Variants in TP53I11 observed in about 807,000 individuals in gnomAD.
TP53I11 encodes tumor protein p53 inducible protein 11.
TP53I11 carries 9 observed loss-of-function variants against 23.3 expected under a neutral mutation model. That is an observed-to-expected ratio of 0.39 (90% CI 0.23 to 0.67). The LOEUF (loss-of-function observed/expected upper bound fraction) is 0.67, where lower values mean the gene tolerates loss of function less well. Ranked by LOEUF, TP53I11 falls within the 30% of genes least tolerant of loss-of-function variation. The probability of loss-of-function intolerance (pLI) is 0.48; values close to 1 mark genes in which losing one functional copy is unlikely to be tolerated. For missense variants in TP53I11, 170 were observed against 255.2 expected (o/e 0.67, Z 2.27); for synonymous variants, 100 against 106.1 (o/e 0.94, Z 0.35).
chr11:44,941,978 A>G (rs1252291674), intron 1 of TP53I11, among the ~76,000 whole-genome samples: 3 of 13,774 alleles, frequency 2.2e-4, no homozygotes, highest in African/African-American at 7.7e-4. Context: ...CACACAGTAC[A>G]CACACACACA....
chr11:44,937,602 G>A lies in TP53I11; in HGVS notation c.141C>T (p.Val47=), dbSNP rs747734777. The stretch of plus-strand genomic sequence containing the variant: ...TGGTAAACTTGATTTCATTGCCTAA[G>A]ACCTGGCTGATCTGTGGACAGAGGG... ...GEVHRSKISQ[V]LGNEIKFTIR... is the part of the protein sequence containing the mutation. Residue 47 remains valine (V), a synonymous_variant, in exon 3 of 7, where the codon GTC becomes GTT. Transcript: ENST00000525680. The A allele has an allele frequency of 1.2e-6, 2 of 1,613,508 alleles. No individual in the cohort carries two copies. The highest frequency in any genetic ancestry group is 1.3e-5 in the African/African-American group (1 of 75,004).
At chr11:44,943,115 TC>T (rs2135485233) in intron 1 of TP53I11, 2 of 152,292 alleles carry the variant, frequency 1.3e-5, no homozygotes, top group African/African-American at 4.8e-5. Context: ...AGCCTCAGTT[TC>T]CCCTCTTGTG....
chr11:44,947,779 C>T (rs1463852733), intron 1 of TP53I11, among the ~76,000 whole-genome samples: 1 of 152,178 alleles, frequency 6.6e-6, no homozygotes, highest in Non-Finnish European at 1.5e-5. Context: ...CTCCCTGGGC[C>T]TCAGTTTCCT....
In TP53I11 at chr11:44,937,335, G is replaced by C; in HGVS notation, c.206C>G (p.Ser69Cys). The change falls in exon 4 of 7, where the codon TCT becomes TGT. Residue 69 changes from serine to cysteine, a missense_variant. Ser to Cys is a moderately radical substitution (Grantham distance 112). Coordinates refer to ENST00000525680, the MANE Select transcript of TP53I11 (RefSeq NM_006034.5). Reference sequence around the variant, plus strand: ...GGCAATGCCGGAGAAGAGCACAGCAGAGACGAACTGCCAGACCCTGGGAGG... The same window carrying C: ...GGCAATGCCGGAGAAGAGCACAGCACAGACGAACTGCCAGACCCTGGGAGG... ...PLGLRVWQFV[S>C]AVLFSGIAIM... 6.7e-7 allele frequency: 1 copy of C among 1,487,916 alleles called. No individual in the cohort carries two copies. The highest frequency in any genetic ancestry group is 8.9e-7 in the Non-Finnish European group (1 of 1,118,350). The allele number at this position is 1,487,916 out of a possible 1,614,324, so 92.2% of individuals were successfully genotyped here.
intron 1 of TP53I11, chr11:44,946,952 GC>G (rs1481209488): frequency 2.2e-6 from 1 of 451,028 alleles, no homozygotes; most frequent in African/African-American, 2.0e-5. Flanking sequence ...TTTTGAAGGG[GC>G]CCAATTTCCA....
At position 44,937,542 on chromosome 11, in the gene TP53I11, G is replaced by A; in HGVS notation, c.188+13C>T. On this transcript the variant is annotated intron_variant, in intron 3 of 6. Transcript: ENST00000525680. ...GGCCTTCCCCTCCCCCAAAAAGTCA[G>A]GTAAATGCTCACCTGAGCCCCAAAG... The A allele has an allele frequency of 1.2e-6, 2 of 1,613,534 alleles. No individual in the cohort carries two copies. Among genetic ancestry groups the A allele is most frequent in the Non-Finnish European group, 1.7e-6 (2 of 1,179,726 alleles).
chr11:44,941,654 T>C (rs117649565), intron 1 of TP53I11, among the ~76,000 whole-genome samples: 2,155 of 152,260 alleles, frequency 0.014, 19 homozygotes, highest in Non-Finnish European at 0.021. Context: ...AAGTCCCCAG[T>C]GAAGACAGGC....
At chr11:44,947,039 T>C in intron 1 of TP53I11, 1 of 456,324 alleles carries the variant, frequency 2.2e-6, no homozygotes, top group Non-Finnish European at 4.4e-6. Flanking sequence ...CATTCCTTAC[T>C]GTGCTGAAGA....
In TP53I11 at chr11:44,936,823, AGGCGGATGGG is replaced by A. The variant is rs757062945; in HGVS notation, c.304_313del (p.Pro102SerfsTer11). 1 of 1,606,148 alleles carries A rather than the reference AGGCGGATGGG, an allele frequency of 6.2e-7. No homozygotes were observed. Among genetic ancestry groups the A allele is most frequent in the South Asian group, 1.1e-5 (1 of 89,404 alleles). ...CTCACTGAGGAGGGCACCGCCGTAG[AGGCGGATGGG>A]GGTCTTGCTGGTCACCTGGGCTCCA... On this transcript the variant is annotated frameshift_variant, in exon 5 of 7. Coordinates refer to ENST00000525680, the MANE Select transcript of TP53I11 (RefSeq NM_006034.5). LOFTEE classifies it high-confidence loss of function. The surrounding 1 kb of genome is among the most constrained non-coding windows in gnomAD (Gnocchi z 4.4).
intron 5 of TP53I11, 30 bp from the exon 6 acceptor site, chr11:44,935,692 G>T: frequency 1.5e-6 from 2 of 1,343,772 alleles, no homozygotes; most frequent in South Asian, 1.2e-5. Context: ...GGGGGCTGGG[G>T]GTGGGACAGC....
Position 44,936,815 on chromosome 11 carries a change from C to T in TP53I11, c.322G>A (p.Gly108Ser), listed in dbSNP as rs1406306785. Residue 108 changes from glycine to serine, a missense_variant, in exon 5 of 7, where the codon GGT (glycine) becomes AGT (serine). Gly to Ser is a moderately conservative substitution (Grantham distance 56, BLOSUM62 0). Transcript: ENST00000525680. This position sits in a 1 kb window ranked among gnomAD's most constrained non-coding sequence, Gnocchi z 4.4. ...TSKTPIRLYGGALLSISLIMW... is the reference protein window; with the variant it reads ...TSKTPIRLYGSALLSISLIMW... Reference sequence around the variant, plus strand: ...CAGCAGTACTCACTGAGGAGGGCACCGCCGTAGAGGCGGATGGGGGTCTTG... The same window carrying T: ...CAGCAGTACTCACTGAGGAGGGCACTGCCGTAGAGGCGGATGGGGGTCTTG... 6.9e-6 allele frequency: 11 copies of T among 1,601,250 alleles called. No homozygotes were observed. The highest frequency in any genetic ancestry group is 2.3e-5 in the East Asian group (1 of 44,336).
At chr11:44,935,507 G>T in intron 6 of TP53I11, 54 bp downstream of exon 6, 3 of 1,541,050 alleles carry the variant, frequency 1.9e-6, no homozygotes, top group South Asian at 1.1e-5. Context: ...AGAGCAGGCA[G>T]GTCAGGGGCG....
chr11:44,950,668 A>G lies in TP53I11; in HGVS notation c.-32+9T>C, dbSNP rs1408728814. ...CGGCTCGGAAGCGGCGGCGGGGAGCAGAACTTACGGGCCTCGCGCGTGCCG... is the reference window on the plus strand; with the variant it reads ...CGGCTCGGAAGCGGCGGCGGGGAGCGGAACTTACGGGCCTCGCGCGTGCCG... On this transcript the variant is annotated intron_variant, in intron 1 of 6. Coordinates refer to ENST00000525680, the MANE Select transcript of TP53I11 (RefSeq NM_006034.5). The G allele has an allele frequency of 6.6e-6, 1 of 152,108 alleles. No homozygotes were observed. The highest frequency in any genetic ancestry group is 1.5e-5 in the Non-Finnish European group (1 of 68,136). The allele number at this position is 152,108 out of a possible 1,614,324, so 9.4% of individuals were successfully genotyped here. A position where few individuals can be genotyped will look rare whatever the true frequency, so the allele number is the denominator to read the frequency against.
In TP53I11 at chr11:44,935,674, G is replaced by GGGGGGGTTTCA; in HGVS notation, c.335-13_335-12insTGAAACCCCCC. 1 of 626,968 alleles carries GGGGGGGTTTCA rather than the reference G, an allele frequency of 1.6e-6. No homozygotes were observed. The highest frequency in any genetic ancestry group is 2.9e-6 in the Non-Finnish European group (1 of 344,090). 38.8% of individuals were successfully genotyped at this position (626,968 alleles called of 1,614,324 possible). A position where few individuals can be genotyped will look rare whatever the true frequency, so the allele number is the denominator to read the frequency against. Reference sequence around the variant, plus strand: ...GATCAGGGAGATGCCTGGGGCGGGGGATGAAAAGGGGGCTGGGGGTGGGAC... The same window carrying GGGGGGGTTTCA: ...GATCAGGGAGATGCCTGGGGCGGGGGGGGGGGTTTCAATGAAAAGGGGGCTGGGGGTGGGAC... On this transcript the variant is annotated splice_polypyrimidine_tract_variant and intron_variant, in intron 5 of 6. Transcript: ENST00000525680.
chr11:44,949,195 G>T lies in TP53I11; in HGVS notation c.-32+1482C>A, dbSNP rs190643788. ...AGAAAAATCTTTTCTCTCCTTTCTC[G>T]AAGTCTGGGGCTGAGGCTAAGGAGC... On this transcript the variant is annotated intron_variant, in intron 1 of 6. Coordinates refer to ENST00000525680, the MANE Select transcript of TP53I11 (RefSeq NM_006034.5). Among the ~76,000 whole-genome samples, 562 of 152,220 alleles carry T rather than the reference G, an allele frequency of 3.7e-3. 7 individuals are homozygous for T. The highest frequency in any genetic ancestry group is 2.8e-3 in the Non-Finnish European group (188 of 68,016).
At chr11:44,937,152 T>G in intron 4 of TP53I11, 152 bp downstream of exon 4, 1 of 945,122 alleles carries the variant, frequency 1.1e-6, no homozygotes, top group Non-Finnish European at 1.6e-6. Context: ...GGCGTGGCAG[T>G]GTAGGAGTCA....
rs1861121431 is a variant in TP53I11, at chr11:44,936,476, C to T, written c.334+327G>A. The T allele has an allele frequency of 8.1e-7, 1 of 1,235,122 alleles. No homozygotes were observed. Among genetic ancestry groups the T allele is most frequent in the Non-Finnish European group, 1.0e-6 (1 of 990,400 alleles). The allele number at this position is 1,235,122 out of a possible 1,614,324, so 76.5% of individuals were successfully genotyped here. On this transcript the variant is annotated intron_variant, in intron 5 of 6. Transcript: ENST00000525680. This position sits in a 1 kb window ranked among gnomAD's most constrained non-coding sequence, Gnocchi z 4.4. Reference sequence around the variant, plus strand: ...TTGCAGACACTGAATTGATCTGCCTCTCCTCTAGGCTGTGAATTCCTAGAG... The same window carrying T: ...TTGCAGACACTGAATTGATCTGCCTTTCCTCTAGGCTGTGAATTCCTAGAG...
intron 2 of TP53I11, 60 bp from the exon 3 acceptor site, chr11:44,937,673 G>T (rs755112788): frequency 4.7e-5 from 73 of 1,553,208 alleles, no homozygotes; most frequent in Non-Finnish European, 6.3e-5. Flanking sequence ...GCCCCCACTC[G>T]CTCATCCTCC....
chr11:44,938,439 G>T, intron 1 of TP53I11, 73 bp from the exon 2 acceptor site: 1 of 1,421,198 alleles, frequency 7.0e-7, no homozygotes, highest in Non-Finnish European at 9.2e-7. Context: ...GGCCTGACTA[G>T]CGGAAGGCCA....
Sources: gnomAD v4.1 joint callset for allele counts (sites outside exome capture counted in the v4.1 genomes callset) on GRCh38, gnomAD v4.1.1 for gene constraint, Gnocchi (gnomAD v3.1) non-coding constraint, MANE v1.5 for transcripts, NCBI Gene and HGNC (gene_info 2026-07-23, HGNC 2026-07-21) for gene names.